The following SH2D4B variants were observed in gnomAD, a reference collection of about 807,000 sequenced individuals.
SH2D4B encodes the protein SH2 domain containing 4B, also known as SH2 domain-containing protein 4B.
In SH2D4B, 45 loss-of-function variants were observed where a neutral mutation model predicts 61.5. The ratio of observed to expected loss-of-function variants is 0.73; its 90% confidence interval spans 0.58 to 0.94. The LOEUF (loss-of-function observed/expected upper bound fraction) is 0.94, where lower values mean the gene tolerates loss of function less well. Among genes scored for constraint, SH2D4B ranks in the 40% least tolerant of loss-of-function variants. The probability of loss-of-function intolerance (pLI) is 0.00; values close to 1 mark genes in which losing one functional copy is unlikely to be tolerated. For synonymous variants in SH2D4B, 224 were observed against 220.4 expected (o/e 1.02, Z -0.14); for missense variants, 572 against 574.2 (o/e 1.00, Z 0.04).
chr10:80,572,977 TATATATATA>T (rs1272578503), intron 3 of SH2D4B, among the ~76,000 whole-genome samples: 71 of 10,984 alleles, frequency 6.5e-3, no homozygotes, highest in African/African-American at 8.8e-3. Flanking sequence ...TATATATATA[TATATATATA>T]TTTTTTTTTT....
At chr10:80,628,032 C>T (rs12260855) in intron 6 of SH2D4B, among the ~76,000 whole-genome samples, 5,086 of 152,232 alleles carry the variant, frequency 0.033, 299 homozygotes, top group African/African-American at 0.12. Context: ...TATGCTAGCT[C>T]CCCAGCTGGA....
chr10:80,566,884 T>C (rs1841975966), intron 1 of SH2D4B, among the ~76,000 whole-genome samples: 2 of 152,238 alleles, frequency 1.3e-5, no homozygotes, highest in South Asian at 4.1e-4. Flanking sequence ...CTATCAGTTA[T>C]AATTAAATCG....
At chr10:80,632,103 T>A (rs7899360) in intron 6 of SH2D4B, among the ~76,000 whole-genome samples, 30 of 152,062 alleles carry the variant, frequency 2.0e-4, no homozygotes, top group African/African-American at 7.2e-4. Flanking sequence ...ATTTTTAATT[T>A]TTTTGTGGAG....
chr10:80,642,847 C>T (rs1290731212), intron 7 of SH2D4B: 8 of 152,464 alleles, frequency 5.2e-5, no homozygotes, highest in Admixed American at 5.2e-4. Context: ...TGCCAGATTG[C>T]CCTCCAAAAA....
chr10:80,614,314 G>A (rs994027538), intron 6 of SH2D4B, among the ~76,000 whole-genome samples: 1 of 152,242 alleles, frequency 6.6e-6, no homozygotes, highest in Non-Finnish European at 1.5e-5. Context: ...GAGCAGGCAT[G>A]TCATGTGGCG....
At chr10:80,638,930 T>A (rs1330489922) in intron 7 of SH2D4B, among the ~76,000 whole-genome samples, 1 of 152,256 alleles carries the variant, frequency 6.6e-6, no homozygotes, top group Admixed American at 6.5e-5. Context: ...TTTAGTGCTA[T>A]AAATTTCCCT....
chr10:80,539,523 G>T lies in SH2D4B; in HGVS notation c.184+1008G>T, dbSNP rs1229405927. On this transcript the variant is annotated intron_variant, in intron 1 of 7. Transcript: ENST00000646907. The surrounding 1 kb of genome is among the most constrained non-coding windows in gnomAD (Gnocchi z 4.9). ...CTTGTCTCTGGTCTTCACATGAGTG[G>T]CTCTCACCGTTGGGAATGTCCTTCT... Among the ~76,000 whole-genome samples the T allele has an allele frequency of 6.6e-6, 1 of 152,208 alleles. No individual in the cohort carries two copies. The highest frequency in any genetic ancestry group is 1.5e-5 in the Non-Finnish European group (1 of 68,042).
rs1326351743 is a variant in SH2D4B at position 80,570,198 on chromosome 10, G to A, written c.229G>A (p.Glu77Lys). The change falls in exon 2 of 8, where the codon GAG becomes AAG. Residue 77 changes from glutamate (E) to lysine (K), a missense_variant. By Grantham distance (56) the Glu-to-Lys change is moderately conservative. Coordinates refer to ENST00000646907, the MANE Select transcript of SH2D4B (RefSeq NM_001388272.1). ...HIQWLLGADG[E>K]VWVWIMGEGP... The stretch of plus-strand genomic sequence containing the variant: ...CCAATGGCTCCTAGGGGCAGATGGC[G>A]AGGTCTGGGTCTGGATCATGGGAGA... 15 of 1,614,168 alleles carry A rather than the reference G, an allele frequency of 9.3e-6. No homozygotes were observed. The highest frequency in any genetic ancestry group is 6.7e-5 in the East Asian group (3 of 44,888).
intron 6 of SH2D4B, among the ~76,000 whole-genome samples, chr10:80,617,331 G>A (rs1181663993): frequency 6.6e-6 from 1 of 152,218 alleles, no homozygotes; most frequent in Non-Finnish European, 1.5e-5. Flanking sequence ...TGCTCCTCCT[G>A]AGGCCGGTGC....
At chr10:80,636,212 G>A (rs1240874243) in intron 7 of SH2D4B, among the ~76,000 whole-genome samples, 1 of 152,150 alleles carries the variant, frequency 6.6e-6, no homozygotes, top group Non-Finnish European at 1.5e-5. Flanking sequence ...GGACATTCTG[G>A]TTGGTTCCAA....
intron 6 of SH2D4B, among the ~76,000 whole-genome samples, chr10:80,621,176 G>A (rs1842714826): frequency 6.6e-6 from 1 of 152,234 alleles, no homozygotes; most frequent in Non-Finnish European, 1.5e-5. Flanking sequence ...GACAATATCT[G>A]AAGACACATT....
intron 1 of SH2D4B, among the ~76,000 whole-genome samples, chr10:80,551,296 T>C (rs903982935): frequency 3.9e-5 from 6 of 152,142 alleles, no homozygotes; most frequent in African/African-American, 1.4e-4. Flanking sequence ...CCTCGTGATC[T>C]GCCTGCCTCG....
Position 80,570,012 on chromosome 10 carries a change from G to A in SH2D4B, c.185-142G>A. 9 of 1,013,300 alleles carry A rather than the reference G, an allele frequency of 8.9e-6. No individual in the cohort carries two copies. In the South Asian group the frequency reaches 1.1e-4, roughly 12 times the overall value. The allele number at this position is 1,013,300 out of a possible 1,614,324, so 62.8% of individuals were successfully genotyped here. On this transcript the variant is annotated intron_variant, in intron 1 of 7. Transcript: ENST00000646907. ...GGAGATGGTTGTGGACCTGCCCCCA[G>A]GCCAGTGTCTCTCTGGCATTCTTTT... is the stretch of plus-strand genomic sequence containing the variant.
intron 3 of SH2D4B, among the ~76,000 whole-genome samples, chr10:80,587,123 C>T (rs564240113): frequency 4.1e-5 from 6 of 145,718 alleles, no homozygotes; most frequent in South Asian, 2.2e-4. Context: ...CCACCAATTC[C>T]GGCCACGTTT....
At chr10:80,640,492 T>C (rs1472958323) in intron 7 of SH2D4B, among the ~76,000 whole-genome samples, 1 of 152,206 alleles carries the variant, frequency 6.6e-6, no homozygotes, top group Non-Finnish European at 1.5e-5. Context: ...CGGTTCTTTT[T>C]ACTCTTTTTT....
chr10:80,588,776 G>GT lies in SH2D4B; in HGVS notation c.643dup (p.Leu215PhefsTer8). The GT allele has an allele frequency of 6.2e-7, 1 of 1,613,944 alleles. No individual in the cohort carries two copies. The highest frequency in any genetic ancestry group is 1.3e-5 in the African/African-American group (1 of 75,046). ...AAGAGGAGCGAGAGTGGGAAGAACA[G>GT]TGTGAGTAGAGCTTGTGCCTCAGGC... is the stretch of plus-strand genomic sequence containing the variant. On this transcript the variant is annotated frameshift_variant and splice_region_variant, in exon 4 of 8. Coordinates refer to ENST00000646907, the MANE Select transcript of SH2D4B (RefSeq NM_001388272.1). LOFTEE classifies it high-confidence loss of function.
chr10:80,550,935 C>T (rs1251906340), intron 1 of SH2D4B, among the ~76,000 whole-genome samples: 1 of 151,956 alleles, frequency 6.6e-6, no homozygotes, highest in Non-Finnish European at 1.5e-5. Context: ...AAAGGAGAAA[C>T]AAAATTATCA....
intron 3 of SH2D4B, among the ~76,000 whole-genome samples, chr10:80,584,797 C>T (rs1437442658): frequency 6.6e-6 from 1 of 152,142 alleles, no homozygotes; most frequent in African/African-American, 2.4e-5. Flanking sequence ...GGATGTTCAC[C>T]TGTGGGAAAT....
intron 6 of SH2D4B, among the ~76,000 whole-genome samples, chr10:80,623,521 C>T (rs1052573495): frequency 2.6e-5 from 4 of 152,202 alleles, no homozygotes; most frequent in African/African-American, 9.7e-5. Flanking sequence ...TTTATGGGCA[C>T]AGACCATAGC....
Sources: allele counts gnomAD v4.1 joint callset (sites outside exome capture counted in the v4.1 genomes callset), GRCh38; gene constraint gnomAD v4.1.1; non-coding constraint Gnocchi (gnomAD v3.1); transcripts MANE v1.5; gene names NCBI Gene and HGNC (gene_info 2026-07-23, HGNC 2026-07-21).